VPS39: variants seen among roughly 807,000 people sequenced by gnomAD.
VPS39 encodes the protein vam6/Vps39-like protein.
In VPS39, 70 loss-of-function variants were observed where a neutral mutation model predicts 121.0. The observed-to-expected ratio is 0.58, with a 90% CI of 0.48 to 0.71. The LOEUF (loss-of-function observed/expected upper bound fraction) is 0.71, where lower values mean the gene tolerates loss of function less well. Ranked by LOEUF, VPS39 falls within the 30% of genes least tolerant of loss-of-function variation. The pLI, the probability that VPS39 is intolerant of heterozygous loss-of-function variation, is 0.00. For missense variants in VPS39, 818 were observed against 1,051.5 expected (o/e 0.78, Z 3.07); for synonymous variants, 378 against 398.1 (o/e 0.95, Z 0.60).
Position 42,208,164 on chromosome 15 carries a change from G to A in VPS39, c.-11C>T. On this transcript the variant is annotated 5_prime_UTR_variant, in exon 1 of 25. Coordinates refer to ENST00000318006, the MANE Select transcript of VPS39 (RefSeq NM_015289.5). ...GAAAGCGTCGTGCATGGCGGCAAGG[G>A]GAGAGTTGCCACCGCCGTCTCGCCC... The A allele has an allele frequency of 6.4e-7, 1 of 1,565,560 alleles. No individual in the cohort carries two copies. The highest frequency in any genetic ancestry group is 1.7e-4 in the Middle Eastern group (1 of 6,012).
intron 11 of VPS39, among the ~76,000 whole-genome samples, chr15:42,170,649 T>G (rs986194818): frequency 5.3e-5 from 8 of 151,620 alleles, no homozygotes; most frequent in African/African-American, 1.9e-4. Context: ...TTCTGCTATA[T>G]TAAGAATCAA....
Position 42,162,496 on chromosome 15 carries a change from C to CA in VPS39, c.2176-16dup, listed in dbSNP as rs753263575. ...GACAGATACACCTGTCTCAGAGAGA[C>CA]ATGAGCTACGTCAGGCTGGCAGCAA... On this transcript the variant is annotated splice_polypyrimidine_tract_variant and intron_variant, in intron 21 of 24. Transcript: ENST00000318006. The CA allele has an allele frequency of 2.5e-6, 4 of 1,582,380 alleles. No homozygotes were observed. In the East Asian group the frequency reaches 9.0e-5, roughly 36 times the overall value.
intron 8 of VPS39, among the ~76,000 whole-genome samples, chr15:42,184,010 G>A (rs551045146): frequency 1.4e-5 from 2 of 137,942 alleles, no homozygotes; most frequent in Non-Finnish European, 3.0e-5. Context: ...TAGAATAGAG[G>A]CTGACACCAA....
intron 3 of VPS39, 30 bp from the exon 4 acceptor site, chr15:42,191,197 T>G: frequency 6.2e-7 from 1 of 1,612,908 alleles, no homozygotes; most frequent in South Asian, 1.1e-5. Context: ...GAGACCCAAT[T>G]AAACATTTCT....
chr15:42,170,493 C>A (rs1416193185), intron 11 of VPS39, among the ~76,000 whole-genome samples: 2 of 151,986 alleles, frequency 1.3e-5, no homozygotes, highest in African/African-American at 4.8e-5. Context: ...AGAGTGGAGA[C>A]CCTGTCTCAA....
At chr15:42,206,461 A>T (rs1324681946) in intron 1 of VPS39, among the ~76,000 whole-genome samples, 1 of 152,194 alleles carries the variant, frequency 6.6e-6, no homozygotes, top group Admixed American at 6.5e-5. Context: ...TATTGTTTCA[A>T]AACTGTGTTC....
chr15:42,169,895 G>A, intron 11 of VPS39, 29 bp from the exon 12 acceptor site: 5 of 1,583,328 alleles, frequency 3.2e-6, no homozygotes, highest in Non-Finnish European at 4.3e-6. Context: ...TGATTCCTCT[G>A]GAAAGGAGCC....
intron 15 of VPS39, 133 bp downstream of exon 15, chr15:42,166,430 C>A: frequency 8.3e-7 from 1 of 1,199,798 alleles, no homozygotes; most frequent in Non-Finnish European, 1.2e-6. Flanking sequence ...GACTTTTATG[C>A]CATTTGGAGG....
At chr15:42,177,754 C>T (rs937767678) in intron 10 of VPS39, among the ~76,000 whole-genome samples, 1 of 152,056 alleles carries the variant, frequency 6.6e-6, no homozygotes, top group Non-Finnish European at 1.5e-5. Context: ...GCAACCTCTA[C>T]CTCCTGGGTT....
rs1184129375 is a variant in VPS39 at position 42,158,867 on chromosome 15, T to G, written c.*1887A>C. 6.6e-6 allele frequency: 1 copy of G among 152,234 alleles called. No individual in the cohort carries two copies. Among genetic ancestry groups the G allele is most frequent in the Non-Finnish European group, 1.5e-5 (1 of 68,046 alleles). The allele number at this position is 152,234 out of a possible 1,614,324, so 9.4% of individuals were successfully genotyped here. ...TTGGGAGCATGGGATCATGTATGTA[T>G]ACCAGGAAAGAAAACACACATTCTT... is the stretch of plus-strand genomic sequence containing the variant. On this transcript the variant is annotated 3_prime_UTR_variant, in exon 25 of 25. Coordinates refer to ENST00000318006, the MANE Select transcript of VPS39 (RefSeq NM_015289.5).
At chr15:42,182,228 G>C (rs2049595652) in intron 8 of VPS39, among the ~76,000 whole-genome samples, 1 of 152,014 alleles carries the variant, frequency 6.6e-6, no homozygotes, top group Non-Finnish European at 1.5e-5. Context: ...GTTTTATATT[G>C]AATTTTTTAT....
intron 8 of VPS39, among the ~76,000 whole-genome samples, chr15:42,181,862 C>T (rs1035550829): frequency 6.6e-6 from 1 of 152,094 alleles, no homozygotes; most frequent in Non-Finnish European, 1.5e-5. Flanking sequence ...GCGTACAGCA[C>T]GATGCCCAGC....
At chr15:42,174,246 CA>C (rs889625745) in intron 10 of VPS39, among the ~76,000 whole-genome samples, 4 of 145,768 alleles carry the variant, frequency 2.7e-5, no homozygotes, top group Admixed American at 6.8e-5. Context: ...GACTCCATCT[CA>C]AAAAAAAAAT....
At chr15:42,185,197 T>G (rs2049675416) in intron 7 of VPS39, among the ~76,000 whole-genome samples, 1 of 150,612 alleles carries the variant, frequency 6.6e-6, no homozygotes, top group Non-Finnish European at 1.5e-5. Flanking sequence ...TTTTTTTTTT[T>G]GGAGACAGTC....
chr15:42,166,494 C>T (rs1229999050), intron 15 of VPS39, 69 bp downstream of exon 15: 5 of 1,561,432 alleles, frequency 3.2e-6, no homozygotes, highest in East Asian at 4.5e-5. Flanking sequence ...CAACCAGAAA[C>T]AGAAACAGAG....
intron 16 of VPS39, 151 bp from the exon 17 acceptor site, chr15:42,165,967 C>T (rs2049233969): frequency 1.1e-6 from 1 of 906,504 alleles, no homozygotes; most frequent in East Asian, 2.6e-5. Flanking sequence ...AGACGAGGCA[C>T]AGGCCTCCTC....
chr15:42,161,872 T>C, intron 23 of VPS39, 99 bp from the exon 24 acceptor site: 1 of 1,592,458 alleles, frequency 6.3e-7, no homozygotes, highest in Non-Finnish European at 8.6e-7. Flanking sequence ...TCGTCACAGA[T>C]TCTTCTGCTT....
chr15:42,188,974 AAT>A, intron 5 of VPS39, 138 bp downstream of exon 5: 1 of 620,566 alleles, frequency 1.6e-6, no homozygotes. Flanking sequence ...TCAGGAAAAA[AAT>A]AAATAAATAA....
Position 42,207,054 on chromosome 15 carries a change from G to T in VPS39, c.73+1027C>A, listed in dbSNP as rs961344516. Among the ~76,000 whole-genome samples, 6 of 152,162 alleles carry T rather than the reference G, an allele frequency of 3.9e-5. No individual in the cohort carries two copies. In the East Asian group the frequency reaches 7.7e-4, roughly 20 times the overall value. ...ACCCAGAGCTGCTAAAGGAGGAAGG[G>T]TGCACATTAACATGAAAATTCTTCG... On this transcript the variant is annotated intron_variant, in intron 1 of 24. Coordinates refer to ENST00000318006, the MANE Select transcript of VPS39 (RefSeq NM_015289.5).
Sources: allele counts gnomAD v4.1 joint callset (sites outside exome capture counted in the v4.1 genomes callset), GRCh38; gene constraint gnomAD v4.1.1; transcripts MANE v1.5; gene names NCBI Gene and HGNC (gene_info 2026-07-23, HGNC 2026-07-21).